Variants in BMPR1A observed in about 807,000 individuals in gnomAD.
The protein encoded by BMPR1A is bone morphogenetic protein receptor type-1A.
In BMPR1A, 7 loss-of-function variants were observed where a neutral mutation model predicts 66.0. The ratio of observed to expected loss-of-function variants is 0.11; its 90% CI spans 0.06 to 0.20. The LOEUF (loss-of-function observed/expected upper bound fraction) is 0.20. Among genes scored for constraint, BMPR1A ranks in the 10% least tolerant of loss-of-function variants. The probability of loss-of-function intolerance (pLI) is 1.00; values close to 1 mark genes in which losing one functional copy is unlikely to be tolerated. For missense variants in BMPR1A, 408 were observed against 669.1 expected (o/e 0.61, Z 4.31); for synonymous variants, 200 against 229.7 (o/e 0.87, Z 1.17).
downstream of BMPR1A, chr10:86,930,729 A>ATCCTAATT (rs1843799357): frequency 6.6e-6 from 1 of 151,718 alleles, no homozygotes; most frequent in Non-Finnish European, 1.5e-5. Context: ...CAGTGCTTAT[A>ATCCTAATT]TCCTAATTTT....
chr10:86,836,436 T>C lies in BMPR1A; in HGVS notation c.-267-2429T>C, dbSNP rs141181469. On this transcript the variant is annotated intron_variant, in intron 1 of 12. Coordinates refer to ENST00000372037, the MANE Select transcript of BMPR1A (RefSeq NM_004329.3). ...ATCTTACTTGATTTTCCTTGGCTGG[T>C]CTATTTTATTTTATTAAGTTCTGGG... Among the ~76,000 whole-genome samples, 29 of 152,290 alleles carry C rather than the reference T, an allele frequency of 1.9e-4. No homozygotes were observed. In the East Asian group the frequency reaches 5.6e-3, roughly 29 times the overall value.
At chr10:86,799,409 A>G (rs1245749736) in intron 1 of BMPR1A, among the ~76,000 whole-genome samples, 1 of 152,180 alleles carries the variant, frequency 6.6e-6, no homozygotes, top group Non-Finnish European at 1.5e-5. Context: ...TGCTCTACAA[A>G]TAACTACTGA....
intron 9 of BMPR1A, among the ~76,000 whole-genome samples, chr10:86,918,518 T>A (rs1312131890): frequency 6.6e-6 from 1 of 152,244 alleles, no homozygotes; most frequent in Non-Finnish European, 1.5e-5. Flanking sequence ...GTGTCCACTT[T>A]TTGCTTTGAA....
chr10:86,854,302 G>A (rs1012327667), intron 2 of BMPR1A, among the ~76,000 whole-genome samples: 66 of 152,114 alleles, frequency 4.3e-4, no homozygotes, highest in Non-Finnish European at 5.7e-4. Flanking sequence ...AAACACACGT[G>A]CTCTACAATT....
At chr10:86,863,303 A>G (rs1483826643) in intron 2 of BMPR1A, among the ~76,000 whole-genome samples, 1 of 152,178 alleles carries the variant, frequency 6.6e-6, no homozygotes, top group Non-Finnish European at 1.5e-5. Flanking sequence ...TAGCACTTAT[A>G]GCAGCCTGTG....
intron 1 of BMPR1A, among the ~76,000 whole-genome samples, chr10:86,823,881 A>G (rs1842155283): frequency 6.6e-6 from 1 of 152,180 alleles, no homozygotes; most frequent in Admixed American, 6.5e-5. Flanking sequence ...CCACCTGTGA[A>G]GCAGTAAACG....
chr10:86,886,093 C>T (rs972316643), intron 3 of BMPR1A, among the ~76,000 whole-genome samples: 3 of 151,986 alleles, frequency 2.0e-5, no homozygotes, highest in Admixed American at 1.3e-4. Flanking sequence ...TAACCTATAC[C>T]CCCAGTCCAC....
At chr10:86,882,908 G>T (rs527510937) in intron 3 of BMPR1A, among the ~76,000 whole-genome samples, 4 of 151,882 alleles carry the variant, frequency 2.6e-5, no homozygotes, top group Non-Finnish European at 4.4e-5. Flanking sequence ...GGAGGTTGCC[G>T]TGAGCTGTCA....
At chr10:86,857,956 C>G (rs1842666618) in intron 2 of BMPR1A, among the ~76,000 whole-genome samples, 1 of 151,968 alleles carries the variant, frequency 6.6e-6, no homozygotes, top group African/African-American at 2.4e-5. Flanking sequence ...GTAGTTTTTC[C>G]TGTATCCTGT....
At chr10:86,868,104 C>T (rs1459405158) in intron 2 of BMPR1A, among the ~76,000 whole-genome samples, 1 of 152,142 alleles carries the variant, frequency 6.6e-6, no homozygotes. Flanking sequence ...CACTTAGTTG[C>T]ATGGTTGGCT....
rs1176473572 is a variant in BMPR1A at position 86,790,189 on chromosome 10, ATATATATATATATAT to A, written c.-268+33271_-268+33285del. Among the ~76,000 whole-genome samples the A allele has an allele frequency of 3.9e-3, 51 of 13,208 alleles. 5 individuals are homozygous for A. Among genetic ancestry groups the A allele is most frequent in the South Asian group, 0.013 (3 of 238 alleles). The allele number at this position is 13,208 out of a possible 152,430, so 8.7% of individuals were successfully genotyped here. A position where few individuals can be genotyped will look rare whatever the true frequency, so the allele number is the denominator to read the frequency against. ...AAAAAAAAAAAAAAAAAAAAAAAAA[ATATATATATATATAT>A]ATATATATATATATATATATATATA... On this transcript the variant is annotated intron_variant, in intron 1 of 12. Coordinates refer to ENST00000372037, the MANE Select transcript of BMPR1A (RefSeq NM_004329.3).
chr10:86,889,653 T>C (rs1322228237), intron 3 of BMPR1A: 2 of 227,128 alleles, frequency 8.8e-6, no homozygotes, highest in South Asian at 1.3e-4. Flanking sequence ...CCAGATGTGC[T>C]GACCCCTGCG....
At chr10:86,855,378 CT>C in intron 2 of BMPR1A, 1 of 846,376 alleles carries the variant, frequency 1.2e-6, no homozygotes, top group Non-Finnish European at 1.9e-6. Context: ...TAGACACTGA[CT>C]TAGAAACTTG....
At position 86,890,188 on chromosome 10, in the gene BMPR1A, G is replaced by A. The variant is rs1589763441; in HGVS notation, c.194G>A (p.Gly65Glu). Reference sequence around the variant, plus strand: ...CCTTTTTTAAAGTGCTATTGCTCAGGGCACTGTCCAGATGATGCTATTAAT... The same window carrying A: ...CCTTTTTTAAAGTGCTATTGCTCAGAGCACTGTCCAGATGATGCTATTAAT... ...TLPFLKCYCSGHCPDDAINNT... is the reference protein window; with the variant it reads ...TLPFLKCYCSEHCPDDAINNT... Residue 65 changes from glycine to glutamate, a missense_variant, in exon 4 of 13, where the codon GGG (glycine) becomes GAG (glutamate). By Grantham distance (98) the Gly-to-Glu change is moderately conservative. This residue lies in a region of BMPR1A where 68 missense variants were observed against 83.0 expected (regional missense o/e 0.82). Coordinates refer to ENST00000372037, the MANE Select transcript of BMPR1A (RefSeq NM_004329.3). The A allele has an allele frequency of 6.2e-7, 1 of 1,614,034 alleles. No homozygotes were observed. Among genetic ancestry groups the A allele is most frequent in the South Asian group, 1.1e-5 (1 of 91,072 alleles).
At chr10:86,757,067 G>C (rs1847883266) in intron 1 of BMPR1A, 148 bp downstream of exon 1, 1 of 150,732 alleles carries the variant, frequency 6.6e-6, no homozygotes, top group Admixed American at 6.6e-5. Flanking sequence ...GCAGGCCTCG[G>C]CGCGCGCTGG....
intron 7 of BMPR1A, among the ~76,000 whole-genome samples, chr10:86,905,257 A>AGGAGT (rs1843369519): frequency 6.6e-6 from 1 of 152,214 alleles, no homozygotes; most frequent in Admixed American, 6.5e-5. Flanking sequence ...ACTGTGGACG[A>AGGAGT]GGCATCATTC....
chr10:86,922,824 C>G (rs2133616013), intron 11 of BMPR1A, among the ~76,000 whole-genome samples: 1 of 152,264 alleles, frequency 6.6e-6, no homozygotes, highest in East Asian at 1.9e-4. Flanking sequence ...ATTGTTTGCA[C>G]AAGCAGCCCA....
intron 8 of BMPR1A, 47 bp from the exon 9 acceptor site, chr10:86,917,086 TG>T: frequency 6.3e-7 from 1 of 1,597,604 alleles, no homozygotes; most frequent in Non-Finnish European, 8.6e-7. Flanking sequence ...CCAGTCTTAA[TG>T]GGTTTCTTTC....
At chr10:86,874,068 T>G (rs1357056327) in intron 2 of BMPR1A, among the ~76,000 whole-genome samples, 3 of 152,200 alleles carry the variant, frequency 2.0e-5, no homozygotes, top group Non-Finnish European at 2.9e-5. Context: ...ACCAGGGTCA[T>G]TGTGTCATAA....
Sources: gnomAD v4.1 joint callset for allele counts (sites outside exome capture counted in the v4.1 genomes callset) on GRCh38, gnomAD v4.1.1 for gene constraint, gnomAD v4.1.1 regional missense constraint, MANE v1.5 for transcripts, NCBI Gene and HGNC (gene_info 2026-07-23, HGNC 2026-07-21) for gene names.